The following KSR2 variants were observed in gnomAD, a reference collection of about 807,000 sequenced individuals.
The protein encoded by KSR2 is kinase suppressor of ras 2.
KSR2 carries 25 observed loss-of-function variants against 107.8 expected under a neutral mutation model. That is an observed-to-expected ratio of 0.23 (90% CI 0.17 to 0.32). KSR2 has a LOEUF of 0.32. KSR2 is among the 10% of genes least tolerant of loss of function. The pLI, the probability that KSR2 is intolerant of heterozygous loss-of-function variation, is 1.00. For missense variants in KSR2, 887 were observed against 1,268.9 expected, an observed-to-expected ratio of 0.70 and a Z score of 4.57; for synonymous variants, 480 against 507.0, an observed-to-expected ratio of 0.95 and a Z score of 0.71.
chr12:117,620,249 G>A (rs1203685716), intron 5 of KSR2, among the ~76,000 whole-genome samples: 3 of 152,170 alleles, frequency 2.0e-5, no homozygotes, highest in East Asian at 1.9e-4. Flanking sequence ...TTCATCATAT[G>A]TGAGCTTCCT....
intron 3 of KSR2, among the ~76,000 whole-genome samples, chr12:117,816,618 A>G (rs1353050211): frequency 6.6e-6 from 1 of 152,122 alleles, no homozygotes; most frequent in African/African-American, 2.4e-5. Context: ...AATCTTCATC[A>G]TACTAATTAA....
At chr12:117,506,005 G>T (rs1038295029) in intron 14 of KSR2, among the ~76,000 whole-genome samples, 1 of 152,194 alleles carries the variant, frequency 6.6e-6, no homozygotes, top group Non-Finnish European at 1.5e-5. Flanking sequence ...AGAGGCTACT[G>T]AGGACAAGCA....
chr12:117,513,406 T>C (rs1364709485), intron 14 of KSR2, among the ~76,000 whole-genome samples: 1 of 152,130 alleles, frequency 6.6e-6, no homozygotes, highest in East Asian at 1.9e-4. Context: ...TGGAGCCAGG[T>C]TGGGAATACA....
chr12:117,544,903 G>A (rs1434723545), intron 9 of KSR2, among the ~76,000 whole-genome samples: 1 of 152,160 alleles, frequency 6.6e-6, no homozygotes. Flanking sequence ...GTCCTAGCTT[G>A]TTCCTAGCTG....
At chr12:117,951,836 G>T (rs1021086380) in intron 1 of KSR2, among the ~76,000 whole-genome samples, 1 of 152,098 alleles carries the variant, frequency 6.6e-6, no homozygotes, top group African/African-American at 2.4e-5. Context: ...ACAGAAGGAG[G>T]ACAATTCTAA....
In KSR2 at chr12:117,898,310, T is replaced by G. The variant is rs936232211; in HGVS notation, c.181-37879A>C. 3.3e-5 allele frequency among the ~76,000 whole-genome samples: 5 copies of G among 152,152 alleles called. No individual in the cohort carries two copies. In the East Asian group the frequency reaches 9.7e-4, roughly 29 times the overall value. On this transcript the variant is annotated intron_variant, in intron 1 of 19. Transcript: ENST00000339824. ...TTTAGGAAAACAGGAGGTTTTTATG[T>G]GGCTGTTTGTCTCCTTTTTTTTAAC...
At chr12:117,740,523 T>C (rs974092149) in intron 4 of KSR2, among the ~76,000 whole-genome samples, 4 of 129,380 alleles carry the variant, frequency 3.1e-5, no homozygotes, top group Middle Eastern at 3.7e-3. Context: ...TAATATATAG[T>C]ACATATATTA....
In KSR2 at chr12:117,554,498, C is replaced by T. The variant is rs577743199; in HGVS notation, c.1518+671G>A. On this transcript the variant is annotated intron_variant, in intron 9 of 19. Transcript: ENST00000339824. ...TGGTGTTATGGTTTGGCTGGGTCTC[C>T]ACCCAAATCTCATCTTGAATTGTAG... Among the ~76,000 whole-genome samples the T allele has an allele frequency of 8.5e-5, 13 of 152,272 alleles. No homozygotes were observed. In the South Asian group the frequency reaches 2.7e-3, roughly 32 times the overall value.
chr12:117,500,523 G>A (rs1180138066), intron 14 of KSR2, among the ~76,000 whole-genome samples: 1 of 152,154 alleles, frequency 6.6e-6, no homozygotes, highest in East Asian at 1.9e-4. Context: ...ATTTGCCAAG[G>A]TCATGTAGCT....
chr12:117,660,706 G>A (rs138976831), intron 5 of KSR2, among the ~76,000 whole-genome samples: 2,407 of 152,226 alleles, frequency 0.016, 30 homozygotes, highest in Middle Eastern at 0.027. Flanking sequence ...GGGTGGAAAT[G>A]AACACACAAC....
intron 4 of KSR2, among the ~76,000 whole-genome samples, chr12:117,715,279 T>A (rs2136668833): frequency 6.6e-6 from 1 of 152,336 alleles, no homozygotes; most frequent in Middle Eastern, 3.4e-3. Context: ...CGGGGATCCC[T>A]GCAGCAGGGT....
At chr12:117,824,582 C>T (rs555947377) in intron 3 of KSR2, among the ~76,000 whole-genome samples, 84 of 152,096 alleles carry the variant, frequency 5.5e-4, no homozygotes, top group African/African-American at 1.9e-3. Flanking sequence ...TTAGGCCGGG[C>T]GCGGTGGCTC....
chr12:117,737,348 G>A (rs1316013110), intron 4 of KSR2, among the ~76,000 whole-genome samples: 1 of 142,678 alleles, frequency 7.0e-6, no homozygotes, highest in Non-Finnish European at 1.5e-5. Flanking sequence ...AATGAGTGCT[G>A]GCAGCACACT....
intron 4 of KSR2, among the ~76,000 whole-genome samples, chr12:117,735,386 AGAGAAGGGAG>A (rs1887900796): frequency 6.6e-6 from 1 of 152,124 alleles, no homozygotes; most frequent in Non-Finnish European, 1.5e-5. Context: ...CCAAGCGGAG[AGAGAAGGGAG>A]GAGAAGCAAG....
At chr12:117,777,580 A>G (rs954822407) in intron 3 of KSR2, among the ~76,000 whole-genome samples, 9 of 152,230 alleles carry the variant, frequency 5.9e-5, no homozygotes, top group Admixed American at 2.0e-4. Flanking sequence ...TTTAGCCCGT[A>G]GGCAAATTCA....
chr12:117,671,503 G>A (rs1884905568), intron 4 of KSR2, among the ~76,000 whole-genome samples: 1 of 152,178 alleles, frequency 6.6e-6, no homozygotes, highest in Non-Finnish European at 1.5e-5. Flanking sequence ...ACAAAGCCTG[G>A]CACATAGTAG....
chr12:117,821,443 T>A (rs1013060048), intron 3 of KSR2, among the ~76,000 whole-genome samples: 4 of 152,202 alleles, frequency 2.6e-5, no homozygotes, highest in African/African-American at 9.6e-5. Flanking sequence ...TTCCTTATGA[T>A]TTTCTTAATA....
intron 4 of KSR2, among the ~76,000 whole-genome samples, chr12:117,679,620 T>C (rs1885288412): frequency 6.6e-6 from 1 of 152,146 alleles, no homozygotes. Context: ...AAATCTCAAA[T>C]CAGATGTGGT....
At chr12:117,517,769 C>T (rs1874470042) in intron 14 of KSR2, 8 of 445,202 alleles carry the variant, frequency 1.8e-5, no homozygotes, top group Middle Eastern at 3.3e-4. Context: ...AAGGAAGCCG[C>T]TTCCACTCGA....
Sources: gnomAD v4.1 joint callset for allele counts (sites outside exome capture counted in the v4.1 genomes callset) on GRCh38, gnomAD v4.1.1 for gene constraint, MANE v1.5 for transcripts, NCBI Gene and HGNC (gene_info 2026-07-23, HGNC 2026-07-21) for gene names.